Variants in CACNG7 observed in about 807,000 individuals in gnomAD.
CACNG7 encodes the protein calcium voltage-gated channel auxiliary subunit gamma 7, also known as voltage-dependent calcium channel gamma-7 subunit.
A neutral mutation model predicts 26.3 loss-of-function variants in CACNG7; 9 were observed. That is an observed-to-expected ratio of 0.34 (90% CI 0.21 to 0.60). The LOEUF is 0.60. CACNG7 is among the 20% of genes least tolerant of loss of function. The probability of loss-of-function intolerance (pLI) is 0.81; values close to 1 mark genes in which losing one functional copy is unlikely to be tolerated. For synonymous variants in CACNG7, 170 were observed against 157.0 expected (o/e 1.08, Z -0.62); for missense variants, 297 against 380.4 (o/e 0.78, Z 1.82).
intron 4 of CACNG7, among the ~76,000 whole-genome samples, chr19:53,920,363 T>G (rs2068933536): frequency 9.3e-6 from 1 of 107,258 alleles, no homozygotes; most frequent in Non-Finnish European, 1.8e-5. Flanking sequence ...CCAGGTCTGG[T>G]CATTGGTGGA....
chr19:53,931,175 A>T (rs1295179829), intron 4 of CACNG7, among the ~76,000 whole-genome samples: 2 of 152,238 alleles, frequency 1.3e-5, no homozygotes, highest in Non-Finnish European at 2.9e-5. Flanking sequence ...CAGCCTGGGC[A>T]ACAGAGCCAG....
At chr19:53,936,988 G>A (rs1321241639) in intron 4 of CACNG7, among the ~76,000 whole-genome samples, 1 of 152,072 alleles carries the variant, frequency 6.6e-6, no homozygotes, top group African/African-American at 2.4e-5. Flanking sequence ...GCTCACTGCA[G>A]CCTTGAACTC....
At chr19:53,916,479 C>G (rs1020028470) in intron 4 of CACNG7, among the ~76,000 whole-genome samples, 1 of 101,518 alleles carries the variant, frequency 9.9e-6, no homozygotes, top group African/African-American at 4.7e-5. Context: ...TGCCTTTTTT[C>G]TTTCTTTCTT....
intron 4 of CACNG7, among the ~76,000 whole-genome samples, chr19:53,937,745 C>T (rs1009151795): frequency 8.6e-5 from 13 of 152,030 alleles, no homozygotes; most frequent in African/African-American, 3.1e-4. Flanking sequence ...TGTGTGCCAT[C>T]GCACCCAGCT....
rs766067499 is a variant in CACNG7 at position 53,914,483 on chromosome 19, G to C, written c.197-17G>C. 2.5e-6 allele frequency: 4 copies of C among 1,612,298 alleles called. No homozygotes were observed. In the East Asian group the frequency reaches 6.7e-5, roughly 27 times the overall value. ...AGGAGCCTCTCATCCAGCCCTGTCT[G>C]TTTCTCTTCCCCCCAGGTCGGGAGA... On this transcript the variant is annotated splice_polypyrimidine_tract_variant and intron_variant, in intron 2 of 5. Coordinates refer to ENST00000391767, the MANE Select transcript of CACNG7 (RefSeq NM_031896.5).
intron 4 of CACNG7, among the ~76,000 whole-genome samples, chr19:53,927,147 T>G (rs1208709525): frequency 1.3e-5 from 2 of 151,934 alleles, no homozygotes; most frequent in Non-Finnish European, 2.9e-5. Flanking sequence ...CTCAAACCCC[T>G]GACCTCAAGT....
chr19:53,916,487 CTTT>C (rs397706471), intron 4 of CACNG7, among the ~76,000 whole-genome samples: 7 of 95,464 alleles, frequency 7.3e-5, no homozygotes, highest in Admixed American at 4.7e-4. Context: ...TTCTTTCTTT[CTTT>C]TTTTTTTTTT....
Position 53,942,325 on chromosome 19 carries a change from C to T in CACNG7, c.*32C>T. On this transcript the variant is annotated 3_prime_UTR_variant, in exon 6 of 6. Coordinates refer to ENST00000391767, the MANE Select transcript of CACNG7 (RefSeq NM_031896.5). The surrounding 1 kb of genome is among the most constrained non-coding windows in gnomAD (Gnocchi z 5.9). Reference sequence around the variant, plus strand: ...CCCCTCGGAGCTCCCCCTGCCTCCTCCTCCTCCTCGTCTTAGGGGGGTCTC... The same window carrying T: ...CCCCTCGGAGCTCCCCCTGCCTCCTTCTCCTCCTCGTCTTAGGGGGGTCTC... 2 of 1,520,552 alleles carry T rather than the reference C, an allele frequency of 1.3e-6. No individual in the cohort carries two copies. The highest frequency in any genetic ancestry group is 1.8e-6 in the Non-Finnish European group (2 of 1,141,602). The allele number at this position is 1,520,552 out of a possible 1,614,324, so 94.2% of individuals were successfully genotyped here.
At chr19:53,910,649 C>T (rs1239440542) in intron 1 of CACNG7, among the ~76,000 whole-genome samples, 1 of 151,920 alleles carries the variant, frequency 6.6e-6, no homozygotes, top group Non-Finnish European at 1.5e-5. Flanking sequence ...CACGGGATTG[C>T]GTGGCTTGGG....
intron 4 of CACNG7, among the ~76,000 whole-genome samples, chr19:53,931,759 C>CTTTTT (rs776971448): frequency 2.8e-5 from 3 of 108,756 alleles, no homozygotes; most frequent in South Asian, 3.2e-4. Flanking sequence ...ACAACGCTGA[C>CTTTTT]TTTTTTTTTT....
At chr19:53,930,314 T>C (rs2069063076) in intron 4 of CACNG7, among the ~76,000 whole-genome samples, 1 of 151,928 alleles carries the variant, frequency 6.6e-6, no homozygotes, top group South Asian at 2.1e-4. Flanking sequence ...GTTCAAGCAA[T>C]TCTTCTGCCT....
intron 4 of CACNG7, among the ~76,000 whole-genome samples, chr19:53,926,401 C>T (rs149140738): frequency 5.6e-4 from 85 of 152,128 alleles, no homozygotes; most frequent in African/African-American, 2.0e-3. Context: ...TTCCTCCCTG[C>T]TTGGAAGTCC....
intron 4 of CACNG7, among the ~76,000 whole-genome samples, chr19:53,924,104 GTATTGGTGGACTTGCCCCAGGTCTGGT>G (rs2068997398): frequency 3.6e-5 from 4 of 111,340 alleles, no homozygotes; most frequent in Admixed American, 9.2e-5. Flanking sequence ...CCAGGTCTGG[GTATTGGTGGACTTGCCCCAGGTCTGGT>G]TATTGGTGGA....
Position 53,912,612 on chromosome 19 carries a change from G to T in CACNG7, c.-29-191G>T. ...GTTTGGGGAGCCCAGCCCTGAGGCT[G>T]AGGCTCAACAGTTGGTGTCTCTGGT... is the stretch of plus-strand genomic sequence containing the variant. On this transcript the variant is annotated intron_variant, in intron 1 of 5. Coordinates refer to ENST00000391767, the MANE Select transcript of CACNG7 (RefSeq NM_031896.5). The surrounding 1 kb of genome is among the most constrained non-coding windows in gnomAD (Gnocchi z 4.6). The T allele has an allele frequency of 1.8e-6, 1 of 544,126 alleles. No individual in the cohort carries two copies. Among genetic ancestry groups the T allele is most frequent in the Admixed American group, 3.4e-5 (1 of 29,652 alleles). The allele number at this position is 544,126 out of a possible 1,614,324, so 33.7% of individuals were successfully genotyped here. A position where few individuals can be genotyped will look rare whatever the true frequency, so the allele number is the denominator to read the frequency against.
chr19:53,916,662 A>ATTTT (rs1223891653), intron 4 of CACNG7, among the ~76,000 whole-genome samples: 1 of 106,168 alleles, frequency 9.4e-6, no homozygotes. Flanking sequence ...CTAATTTTCT[A>ATTTT]TTTTTTTTTT....
rs754163354 is a variant in CACNG7, at chr19:53,915,393, C to G, written c.312C>G (p.Pro104=). 6 of 1,614,120 alleles carry G rather than the reference C, an allele frequency of 3.7e-6. No individual in the cohort carries two copies. The East Asian group carries it at 1.3e-4, about 36-fold the overall frequency. ...LKTVRTATPF[P]MVSLFLVFTA... is the part of the protein sequence containing the mutation. ...CAGTGCGCACGGCCACCCCCTTCCC[C>G]ATGGTCAGCCTCTTCCTCGTGTTCA... Residue 104 remains proline (P), a synonymous_variant, in exon 4 of 6, where the codon CCC becomes CCG. Transcript: ENST00000391767.
rs527263186 is a variant in CACNG7 at position 53,915,886 on chromosome 19, C to A, written c.424+381C>A. ...AGCTGGGAATGAAACTCACGCAATT[C>A]GCCTCCGGAGGCTGTATTTTTAACC... On this transcript the variant is annotated intron_variant, in intron 4 of 5. Coordinates refer to ENST00000391767, the MANE Select transcript of CACNG7 (RefSeq NM_031896.5). Among the ~76,000 whole-genome samples the A allele has an allele frequency of 5.1e-4, 78 of 152,304 alleles. 1 individual carries two copies. The highest frequency in any genetic ancestry group is 9.7e-4 in the Non-Finnish European group (66 of 68,026).
At chr19:53,935,657 T>TTTTTTA (rs2069100355) in intron 4 of CACNG7, among the ~76,000 whole-genome samples, 3 of 141,802 alleles carry the variant, frequency 2.1e-5, no homozygotes, top group Non-Finnish European at 1.5e-5. Flanking sequence ...TTTTTTTTTT[T>TTTTTTA]GAGTTGGAGT....
intron 1 of CACNG7, among the ~76,000 whole-genome samples, chr19:53,911,732 C>T (rs185794275): frequency 7.0e-4 from 106 of 152,202 alleles, no homozygotes; most frequent in Non-Finnish European, 1.3e-3. Flanking sequence ...CCAGGCAGCT[C>T]GCGGTCAAAC....
Sources: allele counts gnomAD v4.1 joint callset (sites outside exome capture counted in the v4.1 genomes callset), GRCh38; gene constraint gnomAD v4.1.1; non-coding constraint Gnocchi (gnomAD v3.1); transcripts MANE v1.5; gene names NCBI Gene and HGNC (gene_info 2026-07-23, HGNC 2026-07-21).